Variants in SLC17A2 observed in about 807,000 individuals in gnomAD.
The protein encoded by SLC17A2 is sodium-dependent phosphate transport protein 3.
A neutral mutation model predicts 52.1 loss-of-function variants in SLC17A2; 38 were observed. That is an observed-to-expected ratio of 0.73 (90% CI 0.56 to 0.96). The LOEUF (loss-of-function observed/expected upper bound fraction) is 0.96. SLC17A2 is among the 40% of genes least tolerant of loss of function. The pLI is 0.00. For synonymous variants in SLC17A2, 226 were observed against 211.9 expected, an observed-to-expected ratio of 1.07 and a Z score of -0.58; for missense variants, 508 against 583.9, an observed-to-expected ratio of 0.87 and a Z score of 1.34.
chr6:25,915,955 C>A (rs557490807), intron 8 of SLC17A2, 87 bp from the exon 9 acceptor site: 738 of 1,273,648 alleles, frequency 5.8e-4, no homozygotes, highest in Non-Finnish European at 7.8e-4. Context: ...ATTAACTTAC[C>A]CCCATGATAC....
At chr6:25,921,143 C>A (rs745514852) in intron 4 of SLC17A2, 36 bp downstream of exon 4, 3 of 1,613,608 alleles carry the variant, frequency 1.9e-6, no homozygotes, top group Non-Finnish European at 2.5e-6. Flanking sequence ...ATTCAGAAAT[C>A]TGGATCCCAC....
chr6:25,914,532 C>T (rs368226082), intron 11 of SLC17A2, 48 bp downstream of exon 11: 1 of 1,209,832 alleles, frequency 8.3e-7, no homozygotes, highest in African/African-American at 1.5e-5. Context: ...ATCTCCAACA[C>T]CTAAAACAAT....
At chr6:25,919,366 A>G (rs1037606584) in intron 5 of SLC17A2, among the ~76,000 whole-genome samples, 1 of 152,146 alleles carries the variant, frequency 6.6e-6, no homozygotes, top group African/African-American at 2.4e-5. Context: ...TAAAACTACA[A>G]TGTACGTGGA....
At chr6:25,925,433 A>AACCC (rs1766724848) in intron 2 of SLC17A2, among the ~76,000 whole-genome samples, 1 of 151,386 alleles carries the variant, frequency 6.6e-6, no homozygotes, top group Non-Finnish European at 1.5e-5. Flanking sequence ...GAATCACTTG[A>AACCC]ACCCGGGAGG....
chr6:25,924,983 A>G (rs909215479), intron 2 of SLC17A2, among the ~76,000 whole-genome samples: 29 of 152,152 alleles, frequency 1.9e-4, no homozygotes, highest in African/African-American at 7.0e-4. Flanking sequence ...GATAGATTGG[A>G]TTTTTCCTGC....
chr6:25,928,989 T>C (rs373682646), intron 1 of SLC17A2, among the ~76,000 whole-genome samples: 2 of 152,234 alleles, frequency 1.3e-5, no homozygotes, highest in African/African-American at 4.8e-5. Context: ...GTAAATATTA[T>C]GGTATACGCA....
At chr6:25,919,184 A>G (rs1766442994) in intron 5 of SLC17A2, among the ~76,000 whole-genome samples, 1 of 152,176 alleles carries the variant, frequency 6.6e-6, no homozygotes, top group Non-Finnish European at 1.5e-5. Context: ...GCCTCAAACG[A>G]TGGTTTCATG....
chr6:25,916,591 G>A (rs1581559180), intron 8 of SLC17A2, 94 bp downstream of exon 8: 4 of 1,013,634 alleles, frequency 3.9e-6, no homozygotes, highest in African/African-American at 3.2e-5. Context: ...TTAAATTAAT[G>A]GTTATATGTA....
intron 5 of SLC17A2, among the ~76,000 whole-genome samples, chr6:25,919,456 C>T (rs2151548835): frequency 6.6e-6 from 1 of 151,648 alleles, no homozygotes; most frequent in South Asian, 2.1e-4. Flanking sequence ...GCCTGTAATC[C>T]CAGCACTTTG....
chr6:25,914,654 T>A lies in SLC17A2; in HGVS notation c.1228A>T (p.Met410Leu). Reference protein sequence around the residue: ...DIAPRYASFLMGISRGFGLIA... With the variant: ...DIAPRYASFLLGISRGFGLIA... ...AGCCCAAATCCCCTTGAGATTCCCA[T>A]GAGGAAACTTGCATATCTGTGGGAA... is the stretch of plus-strand genomic sequence containing the variant. The change falls in exon 11 of 12, where the codon ATG becomes TTG. Residue 410 changes from methionine (M) to leucine (L), a missense_variant. Physicochemically the swap from Met to Leu is conservative, Grantham distance 15 (BLOSUM62 2). Transcript: ENST00000377850. The A allele has an allele frequency of 6.2e-7, 1 of 1,607,788 alleles. No homozygotes were observed. Among genetic ancestry groups the A allele is most frequent in the East Asian group, 2.2e-5 (1 of 44,818 alleles).
chr6:25,924,508 T>TAA (rs201389996), intron 2 of SLC17A2, among the ~76,000 whole-genome samples: 6 of 138,910 alleles, frequency 4.3e-5, no homozygotes, highest in Non-Finnish European at 6.3e-5. Context: ...ATGTTCAACT[T>TAA]AAAAAAAAAA....
In SLC17A2 at chr6:25,930,493, G is replaced by A. The variant is rs565674788; in HGVS notation, c.-300C>T. Reference sequence around the variant, plus strand: ...GTTCCCTCCCCTTAATGGACCTTTGGTAAGTTAGTAATAATCCTTCTACCC... The same window carrying A: ...GTTCCCTCCCCTTAATGGACCTTTGATAAGTTAGTAATAATCCTTCTACCC... On this transcript the variant is annotated 5_prime_UTR_variant, in exon 1 of 12. Coordinates refer to ENST00000377850, the MANE Select transcript of SLC17A2 (RefSeq NM_001286123.3). 92 of 152,254 alleles carry A rather than the reference G, an allele frequency of 6.0e-4. No homozygotes were observed. Among genetic ancestry groups the A allele is most frequent in the African/African-American group, 2.1e-3 (89 of 41,532 alleles). The allele number at this position is 152,254 out of a possible 1,614,324, so 9.4% of individuals were successfully genotyped here.
At chr6:25,920,804 C>G (rs2151551103) in intron 5 of SLC17A2, among the ~76,000 whole-genome samples, 1 of 152,318 alleles carries the variant, frequency 6.6e-6, no homozygotes, top group East Asian at 1.9e-4. Flanking sequence ...AAACCTAGCT[C>G]ACAATGGTTT....
chr6:25,924,183 C>A (rs569878847), intron 2 of SLC17A2, among the ~76,000 whole-genome samples: 1 of 152,150 alleles, frequency 6.6e-6, no homozygotes, highest in Non-Finnish European at 1.5e-5. Flanking sequence ...ACATGTAAGG[C>A]ATTTATGTCA....
Position 25,926,445 on chromosome 6 carries a change from C to T in SLC17A2, c.-83-566G>A, listed in dbSNP as rs568346293. The stretch of plus-strand genomic sequence containing the variant: ...TGTTTATTCTCATGTTTGCTACACA[C>T]AATGTGGACACTTGCTTGGACTGAC... On this transcript the variant is annotated intron_variant, in intron 1 of 11. Coordinates refer to ENST00000377850, the MANE Select transcript of SLC17A2 (RefSeq NM_001286123.3). Among the ~76,000 whole-genome samples the T allele has an allele frequency of 3.3e-5, 5 of 152,302 alleles. No homozygotes were observed. In the South Asian group the frequency reaches 6.2e-4, roughly 19 times the overall value.
At position 25,916,593 on chromosome 6, in the gene SLC17A2, T is replaced by C. The variant is rs1486091082; in HGVS notation, c.930+92A>G. 9.2e-5 allele frequency: 96 copies of C among 1,043,872 alleles called. 3 individuals are homozygous for C. In the South Asian group the frequency reaches 1.2e-3, roughly 13 times the overall value. The allele number at this position is 1,043,872 out of a possible 1,614,324, so 64.7% of individuals were successfully genotyped here. A position where few individuals can be genotyped will look rare whatever the true frequency, so the allele number is the denominator to read the frequency against. ...GTCATTGTGAAGGTTAAATTAATGGTTATATGTAAAGCCAGAATGTAATAG... is the reference window on the plus strand; with the variant it reads ...GTCATTGTGAAGGTTAAATTAATGGCTATATGTAAAGCCAGAATGTAATAG... On this transcript the variant is annotated intron_variant, in intron 8 of 11. Transcript: ENST00000377850.
Position 25,916,753 on chromosome 6 carries a change from AC to A in SLC17A2, c.861del (p.Trp287CysfsTer7). 3 of 1,613,982 alleles carry A rather than the reference AC, an allele frequency of 1.9e-6. No homozygotes were observed. The highest frequency in any genetic ancestry group is 2.5e-6 in the Non-Finnish European group (3 of 1,179,870). On this transcript the variant is annotated frameshift_variant, in exon 8 of 12. Coordinates refer to ENST00000377850, the MANE Select transcript of SLC17A2 (RefSeq NM_001286123.3). LOFTEE classifies it high-confidence loss of function. ...AIFLGFFSHF[W>X]LCTIILTYLP... Reference sequence around the variant, plus strand: ...AGGTATGTTAGGATGATGGTGCACAACCAGAAATGGCTGAAAAAACCCAGGA... The same window carrying A: ...AGGTATGTTAGGATGATGGTGCACAACAGAAATGGCTGAAAAAACCCAGGA...
rs781294966 is a variant in SLC17A2, at chr6:25,923,879, C to G, written c.56G>C (p.Gly19Ala). The G allele has an allele frequency of 6.2e-7, 1 of 1,614,078 alleles. No homozygotes were observed. ...KGPDFCSLRY[G>A]LALIMHFSNF... The stretch of plus-strand genomic sequence containing the variant: ...TGAGAAGTGCATGATAAGAGCCAGC[C>G]CATAGCGTAATGAACAGAAATCTGG... Residue 19 changes from glycine to alanine, a missense_variant, in exon 3 of 12, where the codon GGG becomes GCG. Transcript: ENST00000377850.
intron 6 of SLC17A2, among the ~76,000 whole-genome samples, 184 bp downstream of exon 6, chr6:25,918,303 C>T (rs769461467): frequency 6.9e-4 from 105 of 152,176 alleles, no homozygotes; most frequent in Non-Finnish European, 1.3e-3. Context: ...TTCCCAGAAC[C>T]ACCAGGAAGG....
Sources: gnomAD v4.1 joint callset for allele counts (sites outside exome capture counted in the v4.1 genomes callset) on GRCh38, gnomAD v4.1.1 for gene constraint, MANE v1.5 for transcripts, NCBI Gene and HGNC (gene_info 2026-07-23, HGNC 2026-07-21) for gene names.